CNTNAP2: variants seen among roughly 807,000 people sequenced by gnomAD.
CNTNAP2 encodes contactin associated protein 2.
Under a neutral mutation model 155.2 loss-of-function variants are expected in CNTNAP2, and 98 were observed. The observed-to-expected ratio is 0.63, with a 90% CI of 0.54 to 0.75. The LOEUF is 0.75. Among genes scored for constraint, CNTNAP2 ranks in the 30% least tolerant of loss-of-function variants. CNTNAP2 has a pLI of 0.00. For synonymous variants in CNTNAP2, 651 were observed against 631.2 expected (o/e 1.03, Z -0.47); for missense variants, 1,727 against 1,688.1 (o/e 1.02, Z -0.40).
chr7:146,900,092 G>T (rs1585145870), intron 3 of CNTNAP2, among the ~76,000 whole-genome samples: 1 of 152,102 alleles, frequency 6.6e-6, no homozygotes, highest in East Asian at 1.9e-4. Flanking sequence ...AGTACTACTT[G>T]TTGTTAACTA....
intron 1 of CNTNAP2, among the ~76,000 whole-genome samples, chr7:146,249,139 T>A (rs1292300410): frequency 1.3e-5 from 2 of 152,040 alleles, no homozygotes; most frequent in Non-Finnish European, 2.9e-5. Flanking sequence ...TGGAATGTCA[T>A]CAGTTAAGGC....
At chr7:146,160,896 C>CA (rs909254679) in intron 1 of CNTNAP2, among the ~76,000 whole-genome samples, 21 of 151,838 alleles carry the variant, frequency 1.4e-4, no homozygotes, top group African/African-American at 4.6e-4. Context: ...ACAGACACAA[C>CA]AAAAAAAGAG....
At chr7:146,703,026 T>C (rs565458973) in intron 1 of CNTNAP2, among the ~76,000 whole-genome samples, 3 of 152,252 alleles carry the variant, frequency 2.0e-5, no homozygotes, top group Admixed American at 2.0e-4. Context: ...AAACAAATAT[T>C]TTTTTCTTCT....
chr7:147,704,634 G>A (rs1783063608), intron 13 of CNTNAP2: 2 of 153,102 alleles, frequency 1.3e-5, no homozygotes, highest in South Asian at 4.0e-4. Context: ...TCAGTCTTTG[G>A]ACGGTATTTT....
intron 15 of CNTNAP2, among the ~76,000 whole-genome samples, chr7:147,999,379 A>G (rs1280510040): frequency 6.6e-6 from 1 of 152,178 alleles, no homozygotes; most frequent in Non-Finnish European, 1.5e-5. Context: ...CCCGGCCAGT[A>G]GAAATCTTTT....
rs1193315960 is a variant in CNTNAP2, at chr7:146,158,119, A to G, written c.97+41146A>G. On this transcript the variant is annotated intron_variant, in intron 1 of 23. Transcript: ENST00000361727. ...AGCCTCTGCTGGTGATACCCAGGCA[A>G]ACAGGTTGTGGAGTGGACCTCCAGC... Among the ~76,000 whole-genome samples, 69 of 152,332 alleles carry G rather than the reference A, an allele frequency of 4.5e-4. 1 individual carries two copies. Among genetic ancestry groups the G allele is most frequent in the Non-Finnish European group, 5.9e-5 (4 of 68,036 alleles).
chr7:147,175,467 A>G (rs1363676978), intron 8 of CNTNAP2, among the ~76,000 whole-genome samples: 3 of 152,124 alleles, frequency 2.0e-5, no homozygotes, highest in Admixed American at 6.5e-5. Context: ...CTATATGTAC[A>G]TTTCTTGTTA....
intron 21 of CNTNAP2, among the ~76,000 whole-genome samples, chr7:148,332,165 CAA>C (rs200974074): frequency 0.44 from 53,459 of 120,472 alleles, 9,513 homozygotes; most frequent in East Asian, 0.58. Context: ...ACTGAGCGGA[CAA>C]AAAAAAAAAA....
At chr7:147,451,856 G>A (rs1054880905) in intron 10 of CNTNAP2, among the ~76,000 whole-genome samples, 2 of 151,990 alleles carry the variant, frequency 1.3e-5, no homozygotes, top group Non-Finnish European at 2.9e-5. Context: ...GGTCATTAGA[G>A]CTCCACCCCG....
chr7:146,117,050 C>G, intron 1 of CNTNAP2, 77 bp downstream of exon 1: 1 of 1,241,814 alleles, frequency 8.1e-7, no homozygotes, highest in South Asian at 1.3e-5. Context: ...GTATCAACTC[C>G]GAAGTGCATC....
intron 15 of CNTNAP2, among the ~76,000 whole-genome samples, chr7:148,032,594 A>G (rs750719492): frequency 9.9e-4 from 151 of 152,188 alleles, no homozygotes; most frequent in Non-Finnish European, 1.9e-3. Context: ...GAAACGTTCA[A>G]GGTCCCAACA....
At chr7:147,761,220 G>A (rs1797294046) in intron 13 of CNTNAP2, among the ~76,000 whole-genome samples, 1 of 152,126 alleles carries the variant, frequency 6.6e-6, no homozygotes, top group South Asian at 2.1e-4. Context: ...ATACACATTG[G>A]AAACTTCCTG....
chr7:148,305,906 G>C (rs563120214), intron 21 of CNTNAP2, among the ~76,000 whole-genome samples: 1 of 152,190 alleles, frequency 6.6e-6, no homozygotes. Context: ...CTGGGCCTCC[G>C]GATGGCATGA....
chr7:148,339,845 G>A (rs898791302), intron 21 of CNTNAP2, among the ~76,000 whole-genome samples: 2 of 152,160 alleles, frequency 1.3e-5, no homozygotes, highest in Non-Finnish European at 2.9e-5. Flanking sequence ...GCAAGGTCGG[G>A]GGTTCTTTGG....
intron 1 of CNTNAP2, among the ~76,000 whole-genome samples, chr7:146,494,215 T>C (rs1797180471): frequency 6.6e-6 from 1 of 151,816 alleles, no homozygotes. Context: ...GCACCTGTAG[T>C]CCCAGCTACT....
intron 2 of CNTNAP2, among the ~76,000 whole-genome samples, chr7:146,838,651 T>A (rs554490540): frequency 1.1e-4 from 16 of 152,228 alleles, no homozygotes; most frequent in East Asian, 1.9e-4. Flanking sequence ...TTTGTAATTT[T>A]AAAAAAAGCT....
At chr7:147,149,919 G>A (rs772420609) in intron 8 of CNTNAP2, among the ~76,000 whole-genome samples, 4 of 152,206 alleles carry the variant, frequency 2.6e-5, no homozygotes, top group Non-Finnish European at 5.9e-5. Context: ...ATCACAACTT[G>A]GCAATAGGTC....
intron 1 of CNTNAP2, among the ~76,000 whole-genome samples, chr7:146,738,225 T>C (rs1801653649): frequency 6.6e-6 from 1 of 152,074 alleles, no homozygotes; most frequent in Non-Finnish European, 1.5e-5. Context: ...TAAGGTGATA[T>C]CTCATTGGGT....
intron 14 of CNTNAP2, among the ~76,000 whole-genome samples, chr7:147,976,426 G>A (rs1474017030): frequency 6.6e-6 from 1 of 152,106 alleles, no homozygotes; most frequent in Non-Finnish European, 1.5e-5. Context: ...GGGTGGGTTT[G>A]TAAAAAATTC....
Sources: allele counts gnomAD v4.1 joint callset (sites outside exome capture counted in the v4.1 genomes callset), GRCh38; gene constraint gnomAD v4.1.1; transcripts MANE v1.5; gene names NCBI Gene and HGNC (gene_info 2026-07-23, HGNC 2026-07-21).